The following LCP2 variants were observed in gnomAD, a reference collection of about 807,000 sequenced individuals.
LCP2 encodes lymphocyte cytosolic protein 2, also known as 76 kDa tyrosine phosphoprotein.
Under a neutral mutation model 74.5 loss-of-function variants are expected in LCP2, and 29 were observed. That is an observed-to-expected ratio of 0.39 (90% CI 0.29 to 0.53). The LOEUF is 0.53. LCP2 is among the 20% of genes least tolerant of loss of function. LCP2 has a pLI of 0.72. For missense variants in LCP2, 604 were observed against 634.6 expected (o/e 0.95, Z 0.52); for synonymous variants, 228 against 229.5 (o/e 0.99, Z 0.06).
At chr5:170,286,309 G>A (rs1477072203) in intron 3 of LCP2, among the ~76,000 whole-genome samples, 1 of 152,178 alleles carries the variant, frequency 6.6e-6, no homozygotes. Context: ...TCTTTCACTT[G>A]TTTCTAAAGA....
At position 170,247,175 on chromosome 5, in the gene LCP2, C is replaced by T. The variant is rs1442280330; in HGVS notation, c.*1522G>A. Reference sequence around the variant, plus strand: ...GCTCACTTGTTTAACACAGAAGAGCCACTAAGTAAATACTTGCTGAATAGC... The same window carrying T: ...GCTCACTTGTTTAACACAGAAGAGCTACTAAGTAAATACTTGCTGAATAGC... On this transcript the variant is annotated 3_prime_UTR_variant, in exon 21 of 21. Coordinates refer to ENST00000046794, the MANE Select transcript of LCP2 (RefSeq NM_005565.5). 1 of 152,180 alleles carries T rather than the reference C, an allele frequency of 6.6e-6. No individual in the cohort carries two copies. Among genetic ancestry groups the T allele is most frequent in the African/African-American group, 2.4e-5 (1 of 41,440 alleles). 9.4% of individuals were successfully genotyped at this position (152,180 alleles called of 1,614,324 possible).
intron 1 of LCP2, 59 bp downstream of exon 1, chr5:170,297,475 T>G: frequency 8.8e-6 from 13 of 1,474,042 alleles, no homozygotes; most frequent in Non-Finnish European, 1.2e-5. Flanking sequence ...TCGTCAAGCC[T>G]CAGCTCAGCC....
intron 10 of LCP2, among the ~76,000 whole-genome samples, chr5:170,265,678 T>C (rs1761741169): frequency 6.6e-6 from 1 of 152,096 alleles, no homozygotes; most frequent in Non-Finnish European, 1.5e-5. Flanking sequence ...AGCAGAGCTG[T>C]GATGTAGTTC....
At chr5:170,252,589 C>A (rs554298131) in intron 18 of LCP2, 78 bp from the exon 19 acceptor site, 142 of 700,302 alleles carry the variant, frequency 2.0e-4, no homozygotes, top group South Asian at 3.3e-4. Context: ...TCTGAGTAAT[C>A]ATTTCCATAA....
intron 16 of LCP2, among the ~76,000 whole-genome samples, chr5:170,257,086 C>A (rs555645825): frequency 6.6e-6 from 1 of 152,248 alleles, no homozygotes; most frequent in Non-Finnish European, 1.5e-5. Context: ...GAGGCGGGCC[C>A]AGAGGGCCCT....
intron 3 of LCP2, 125 bp downstream of exon 3, chr5:170,287,845 A>T (rs1171281419): frequency 2.3e-6 from 2 of 870,042 alleles, no homozygotes; most frequent in African/African-American, 3.3e-5. Context: ...CCTTGCCCTC[A>T]TCCTTCCTAC....
intron 19 of LCP2, chr5:170,251,414 TC>T: frequency 4.6e-6 from 1 of 215,708 alleles, no homozygotes; most frequent in Non-Finnish European, 9.8e-6. Context: ...TGTTCTCTTT[TC>T]TTTTCTTTTT....
chr5:170,290,771 G>A (rs1762274389), intron 2 of LCP2, among the ~76,000 whole-genome samples: 1 of 152,132 alleles, frequency 6.6e-6, no homozygotes. Context: ...ACTGTGGTCA[G>A]GTTTCTGCAA....
At chr5:170,254,567 AG>A (rs1485049228) in intron 17 of LCP2, among the ~76,000 whole-genome samples, 1 of 152,188 alleles carries the variant, frequency 6.6e-6, no homozygotes, top group African/African-American at 2.4e-5. Flanking sequence ...CCAAGTTCCC[AG>A]TGCCTAGACA....
intron 6 of LCP2, among the ~76,000 whole-genome samples, chr5:170,272,592 A>ATCTTCTTTTTTTT (rs1761913008): frequency 2.9e-5 from 1 of 34,312 alleles, no homozygotes; most frequent in African/African-American, 8.9e-5. Context: ...CCCATCAAAT[A>ATCTTCTTTTTTTT]TTTTCTTTTT....
chr5:170,294,619 A>C (rs1272092374), intron 1 of LCP2, among the ~76,000 whole-genome samples: 1 of 152,220 alleles, frequency 6.6e-6, no homozygotes, highest in Non-Finnish European at 1.5e-5. Flanking sequence ...TAGCAAATCC[A>C]AAGAATAAAT....
At chr5:170,250,961 G>C (rs1376789463) in intron 19 of LCP2, 76 bp from the exon 20 acceptor site, 2 of 1,176,728 alleles carry the variant, frequency 1.7e-6, no homozygotes, top group African/African-American at 3.1e-5. Context: ...TAGTAGACAA[G>C]CCTCTAGGGA....
At chr5:170,251,564 C>G (rs1031913519) in intron 19 of LCP2, 1 of 449,776 alleles carries the variant, frequency 2.2e-6, no homozygotes, top group African/African-American at 2.0e-5. Context: ...TTAAACTACT[C>G]CCTTCTCCTC....
chr5:170,287,908 C>T, intron 3 of LCP2, 62 bp downstream of exon 3: 1 of 1,491,500 alleles, frequency 6.7e-7, no homozygotes, highest in Non-Finnish European at 9.4e-7. Context: ...AGCCCCCACT[C>T]ACACTACTCC....
intron 3 of LCP2, among the ~76,000 whole-genome samples, chr5:170,281,317 T>A (rs911484823): frequency 2.6e-5 from 4 of 151,688 alleles, no homozygotes; most frequent in Non-Finnish European, 5.9e-5. Flanking sequence ...TCTTGCTCTG[T>A]CCCCCAGGCT....
intron 14 of LCP2, among the ~76,000 whole-genome samples, chr5:170,259,283 T>C (rs1761613631): frequency 6.6e-6 from 1 of 152,226 alleles, no homozygotes; most frequent in East Asian, 1.9e-4. Flanking sequence ...CTGAGGAAGC[T>C]TCCTTAGCTT....
chr5:170,262,058 A>G (rs1198374127), intron 13 of LCP2, among the ~76,000 whole-genome samples: 1 of 152,160 alleles, frequency 6.6e-6, no homozygotes, highest in African/African-American at 2.4e-5. Flanking sequence ...TGATTCACAA[A>G]TGAGATGGAA....
chr5:170,267,099 G>A, intron 8 of LCP2, 24 bp from the exon 9 acceptor site: 1 of 1,612,528 alleles, frequency 6.2e-7, no homozygotes. Context: ...CAAACGTTAG[G>A]AAGCACTTCC....
intron 15 of LCP2, 57 bp downstream of exon 15, chr5:170,258,809 T>A: frequency 2.3e-6 from 3 of 1,329,088 alleles, no homozygotes; most frequent in Non-Finnish European, 3.2e-6. Flanking sequence ...CTTGAATGCC[T>A]GAGCAGGAAA....
Sources: allele counts gnomAD v4.1 joint callset (sites outside exome capture counted in the v4.1 genomes callset), GRCh38; gene constraint gnomAD v4.1.1; transcripts MANE v1.5; gene names NCBI Gene and HGNC (gene_info 2026-07-23, HGNC 2026-07-21).